Variants in PUDP observed in about 807,000 individuals in gnomAD.
PUDP encodes pseudouridine 5'-phosphatase, also known as pseudouridine-5'-phosphatase.
PUDP carries 8 observed loss-of-function variants against 9.4 expected under a neutral mutation model. That is an observed-to-expected ratio of 0.85 (90% confidence interval 0.50 to 1.53). The LOEUF is 1.53. PUDP is among the 40% of genes most tolerant of loss of function. The probability of loss-of-function intolerance (pLI) is 0.00; values close to 1 mark genes in which losing one functional copy is unlikely to be tolerated. For missense variants in PUDP, 188 were observed against 189.7 expected (o/e 0.99, Z 0.05); for synonymous variants, 99 against 80.7 (o/e 1.23, Z -1.22).
intron 1 of PUDP, among the ~76,000 whole-genome samples, chrX:7,126,598 T>C (rs1707880821): frequency 9.0e-6 from 1 of 111,695 alleles, no homozygotes; most frequent in Admixed American, 9.5e-5. Flanking sequence ...TGCTGTCCTC[T>C]CCCTGTGTCC....
Position 7,077,407 on chromosome X carries a change from G to A in PUDP, c.323C>T (p.Pro108Leu), listed in dbSNP as rs1205101138. The change falls in exon 3 of 4, where the codon CCC becomes CTC. Residue 108 changes from proline to leucine, a missense_variant. By Grantham distance (98) the Pro-to-Leu change is moderately conservative. Coordinates refer to ENST00000381077, the MANE Select transcript of PUDP (RefSeq NM_012080.5). ...LIIHLRKHGI[P>L]FALATSSGSA... is the part of the protein sequence containing the mutation. ...CCCCGAGCTGGTGGCCAGTGCAAAGGGGATGCCATGTTTCCGCAGGTGGAT... is the reference window on the plus strand; with the variant it reads ...CCCCGAGCTGGTGGCCAGTGCAAAGAGGATGCCATGTTTCCGCAGGTGGAT... 1.8e-5 allele frequency: 22 copies of A among 1,208,992 alleles called. No homozygotes were observed. The highest frequency in any genetic ancestry group is 2.2e-5 in the Non-Finnish European group (20 of 894,786).
chrX:6,942,195 A>G (rs979199361), intron 3 of PUDP, among the ~76,000 whole-genome samples: 4 of 112,289 alleles, frequency 3.6e-5, no homozygotes, highest in East Asian at 2.8e-4. Context: ...TTTACCCACT[A>G]TATCTATAAA....
intron 3 of PUDP, among the ~76,000 whole-genome samples, chrX:6,782,539 C>T (rs1185229112): frequency 1.8e-5 from 2 of 111,463 alleles, no homozygotes; most frequent in East Asian, 5.6e-4. Context: ...CACTGCACTC[C>T]AGGCTGGGCT....
upstream of PUDP, among the ~76,000 whole-genome samples, chrX:6,725,066 C>T (rs776711459): frequency 3.6e-5 from 4 of 111,680 alleles, no homozygotes; most frequent in Non-Finnish European, 5.6e-5. Flanking sequence ...GGGTCGAGCA[C>T]GGTTGGTCCC....
At chrX:7,075,761 T>C (rs1930877743) in intron 3 of PUDP, among the ~76,000 whole-genome samples, 2 of 111,889 alleles carry the variant, frequency 1.8e-5, no homozygotes. Context: ...CCGCCATACA[T>C]TGGCCAATGC....
chrX:7,003,344 C>T (rs1021471007), intron 1 of PUDP, among the ~76,000 whole-genome samples: 1 of 111,035 alleles, frequency 9.0e-6, no homozygotes, highest in African/African-American at 3.3e-5. Flanking sequence ...ATTCAGGAGG[C>T]GGCACACCGG....
chrX:6,848,098 C>A (rs1382250387), intron 3 of PUDP, among the ~76,000 whole-genome samples: 1 of 111,968 alleles, frequency 8.9e-6, no homozygotes, highest in Non-Finnish European at 1.9e-5. Flanking sequence ...CTGTGTACAT[C>A]TTCACTAAAC....
chrX:7,131,870 C>A (rs748322093), intron 1 of PUDP, among the ~76,000 whole-genome samples: 1 of 108,085 alleles, frequency 9.3e-6, no homozygotes, highest in East Asian at 2.9e-4. Flanking sequence ...CGCCTCTCAC[C>A]GAGTCCTCTT....
chrX:6,868,349 C>T (rs1927121285), intron 3 of PUDP, among the ~76,000 whole-genome samples: 2 of 112,088 alleles, frequency 1.8e-5, no homozygotes, highest in Admixed American at 1.9e-4. Context: ...TGGCCTGACC[C>T]TGTGCTCCAT....
At chrX:7,019,106 C>T (rs1032110377) in intron 1 of PUDP, among the ~76,000 whole-genome samples, 3 of 111,005 alleles carry the variant, frequency 2.7e-5, no homozygotes, top group Non-Finnish European at 5.7e-5. Context: ...GGGTGTGTTC[C>T]TTCTCTTACT....
chrX:7,077,484 C>A, intron 2 of PUDP, 35 bp from the exon 3 acceptor site: 1 of 1,085,317 alleles, frequency 9.2e-7, no homozygotes, highest in Non-Finnish European at 1.3e-6. Flanking sequence ...AGGTGAGGGG[C>A]GAGGCCTCCA....
chrX:6,951,411 C>A (rs1402394338), intron 3 of PUDP, among the ~76,000 whole-genome samples: 2 of 111,397 alleles, frequency 1.8e-5, no homozygotes, highest in Non-Finnish European at 3.8e-5. Flanking sequence ...TTATTCTACT[C>A]AACTCTTTAC....
intron 3 of PUDP, among the ~76,000 whole-genome samples, chrX:6,751,980 G>C (rs1272244929): frequency 2.7e-5 from 3 of 110,596 alleles, no homozygotes; most frequent in Non-Finnish European, 3.8e-5. Context: ...GTCCCGGTGG[G>C]ATAATCTATG....
At chrX:7,067,368 C>A (rs1315427803) in intron 3 of PUDP, among the ~76,000 whole-genome samples, 2 of 111,450 alleles carry the variant, frequency 1.8e-5, no homozygotes, top group African/African-American at 6.5e-5. Context: ...ACTGCAGTGC[C>A]CCAAGTTCCC....
rs893401774 is a variant in PUDP, at chrX:7,107,473, T to C, written c.62-1635A>G. Reference sequence around the variant, plus strand: ...ATGCTTACATGCACATAGGTATGCATGCTTGTCTGTAATTGCCTCGATGTG... The same window carrying C: ...ATGCTTACATGCACATAGGTATGCACGCTTGTCTGTAATTGCCTCGATGTG... On this transcript the variant is annotated intron_variant, in intron 1 of 3. Coordinates refer to ENST00000381077, the MANE Select transcript of PUDP (RefSeq NM_012080.5). 6.2e-5 allele frequency among the ~76,000 whole-genome samples: 7 copies of C among 112,490 alleles called. No individual in the cohort carries two copies. In the East Asian group the frequency reaches 2.0e-3, roughly 32 times the overall value.
chrX:6,802,597 T>A (rs991846069), intron 3 of PUDP, among the ~76,000 whole-genome samples: 5 of 110,782 alleles, frequency 4.5e-5, no homozygotes, highest in African/African-American at 1.6e-4. Context: ...TAACTAGAGC[T>A]GGAGGGCTGG....
intron 1 of PUDP, among the ~76,000 whole-genome samples, chrX:6,714,971 A>ATGTGTG (rs1332066014): frequency 2.0e-5 from 2 of 100,659 alleles, no homozygotes; most frequent in African/African-American, 8.4e-5. Context: ...ATGTGTGTGT[A>ATGTGTG]TGTGTGTGTG....
chrX:6,792,396 G>A (rs1430667204), intron 3 of PUDP, among the ~76,000 whole-genome samples: 1 of 108,753 alleles, frequency 9.2e-6, no homozygotes, highest in Admixed American at 1.0e-4. Context: ...TGGCACTTGG[G>A]AAAACAGCAG....
At chrX:6,912,534 T>A (rs1372667396) in intron 3 of PUDP, among the ~76,000 whole-genome samples, 1 of 111,910 alleles carries the variant, frequency 8.9e-6, no homozygotes, top group East Asian at 2.8e-4. Flanking sequence ...TCTCCTTGAG[T>A]CTACATTTCT....
Sources: gnomAD v4.1 joint callset for allele counts (sites outside exome capture counted in the v4.1 genomes callset) on GRCh38, gnomAD v4.1.1 for gene constraint, MANE v1.5 for transcripts, NCBI Gene and HGNC (gene_info 2026-07-23, HGNC 2026-07-21) for gene names.